Variants in GALNTL6 observed in about 807,000 individuals in gnomAD.
GALNTL6 encodes polypeptide N-acetylgalactosaminyltransferase-like 6.
A neutral mutation model predicts 73.7 loss-of-function variants in GALNTL6; 46 were observed. The ratio of observed to expected loss-of-function variants is 0.62; its 90% CI spans 0.49 to 0.80. The LOEUF (loss-of-function observed/expected upper bound fraction) is 0.80. Among genes scored for constraint, GALNTL6 ranks in the 30% least tolerant of loss-of-function variants. The pLI, the probability that GALNTL6 is intolerant of heterozygous loss-of-function variation, is 0.00. For synonymous variants in GALNTL6, 259 were observed against 263.7 expected (o/e 0.98, Z 0.17); for missense variants, 604 against 755.0 (o/e 0.80, Z 2.34).
chr4:172,278,379 A>C (rs1210720312), intron 3 of GALNTL6, among the ~76,000 whole-genome samples: 2 of 152,178 alleles, frequency 1.3e-5, no homozygotes, highest in Non-Finnish European at 2.9e-5. Flanking sequence ...TAAATTGCCC[A>C]TAAAAACAGC....
At chr4:172,172,409 C>T (rs1364758811) in intron 2 of GALNTL6, among the ~76,000 whole-genome samples, 1 of 152,114 alleles carries the variant, frequency 6.6e-6, no homozygotes, top group African/African-American at 2.4e-5. Flanking sequence ...GTTGGCCAAT[C>T]TTGTCTCGAA....
chr4:172,299,662 A>C (rs1474987476), intron 3 of GALNTL6, among the ~76,000 whole-genome samples: 1 of 152,190 alleles, frequency 6.6e-6, no homozygotes, highest in African/African-American at 2.4e-5. Flanking sequence ...TTCAGTTTCC[A>C]TGTAGTTGAG....
intron 2 of GALNTL6, among the ~76,000 whole-genome samples, chr4:172,166,978 T>A (rs1443207645): frequency 6.6e-6 from 1 of 152,178 alleles, no homozygotes; most frequent in Non-Finnish European, 1.5e-5. Context: ...GAATCAGAAC[T>A]CCTGGGTTCC....
At chr4:172,945,873 C>A (rs1325680236) in intron 9 of GALNTL6, among the ~76,000 whole-genome samples, 1 of 152,124 alleles carries the variant, frequency 6.6e-6, no homozygotes, top group Non-Finnish European at 1.5e-5. Context: ...TAAAGACAAT[C>A]TCTTTTGAGC....
At chr4:172,133,699 A>C (rs1733560517) in intron 2 of GALNTL6, among the ~76,000 whole-genome samples, 1 of 152,222 alleles carries the variant, frequency 6.6e-6, no homozygotes, top group Non-Finnish European at 1.5e-5. Flanking sequence ...GGGCTTCTTT[A>C]GTCAGTATCA....
In GALNTL6 at chr4:172,753,942, T is replaced by C. The variant is rs537287885; in HGVS notation, c.554-55419T>C. Among the ~76,000 whole-genome samples, 8 of 152,122 alleles carry C rather than the reference T, an allele frequency of 5.3e-5. 1 individual carries two copies. Among genetic ancestry groups the C allele is most frequent in the African/African-American group, 1.9e-4 (8 of 41,500 alleles). On this transcript the variant is annotated intron_variant, in intron 5 of 12. Transcript: ENST00000506823. ...GTGCTAATGAGAAGGGAGACAGAGA[T>C]AGGTATAGGAGAGAGGAGGGAAGAA...
chr4:173,027,760 A>C (rs1002411165), intron 12 of GALNTL6, among the ~76,000 whole-genome samples: 44 of 152,358 alleles, frequency 2.9e-4, no homozygotes, highest in South Asian at 4.1e-4. Flanking sequence ...GAAATAAAAC[A>C]GTCCATTCGT....
chr4:172,452,099 T>G (rs971522119), intron 5 of GALNTL6, among the ~76,000 whole-genome samples: 1 of 152,154 alleles, frequency 6.6e-6, no homozygotes, highest in Non-Finnish European at 1.5e-5. Flanking sequence ...TATTCCAGAA[T>G]GAAACCTGCA....
intron 8 of GALNTL6, among the ~76,000 whole-genome samples, chr4:172,907,081 C>T (rs1042026785): frequency 1.3e-5 from 2 of 152,106 alleles, no homozygotes; most frequent in East Asian, 1.9e-4. Flanking sequence ...ATTCTGTCAA[C>T]CACACTGACC....
At chr4:172,842,272 C>T (rs1461875922) in intron 7 of GALNTL6, among the ~76,000 whole-genome samples, 1 of 152,208 alleles carries the variant, frequency 6.6e-6, no homozygotes, top group East Asian at 1.9e-4. Flanking sequence ...ATTGTGCCAC[C>T]TTAGCCACTC....
At chr4:172,112,172 C>A (rs978042171) in intron 2 of GALNTL6, among the ~76,000 whole-genome samples, 4 of 152,026 alleles carry the variant, frequency 2.6e-5, no homozygotes, top group Non-Finnish European at 4.4e-5. Context: ...AGATTAGCTT[C>A]TTTCACTTAG....
intron 7 of GALNTL6, among the ~76,000 whole-genome samples, chr4:172,838,519 C>T (rs1374240137): frequency 2.0e-5 from 3 of 152,186 alleles, no homozygotes; most frequent in African/African-American, 7.2e-5. Flanking sequence ...ACCTGTGGTG[C>T]TTGTAACAAA....
intron 4 of GALNTL6, among the ~76,000 whole-genome samples, chr4:172,332,418 A>G (rs1741161417): frequency 3.3e-5 from 5 of 151,992 alleles, no homozygotes. Context: ...TTATGTTTTT[A>G]TCTTTTAACC....
At chr4:171,874,288 C>T (rs1224425281) in intron 2 of GALNTL6, among the ~76,000 whole-genome samples, 2 of 152,084 alleles carry the variant, frequency 1.3e-5, no homozygotes, top group African/African-American at 4.8e-5. Flanking sequence ...CGGCAACCTC[C>T]GCCTCCCAGG....
intron 5 of GALNTL6, among the ~76,000 whole-genome samples, chr4:172,675,787 GA>G (rs1019945636): frequency 5.3e-5 from 8 of 152,152 alleles, no homozygotes; most frequent in Non-Finnish European, 8.8e-5. Context: ...ATTCAACAGA[GA>G]AAAATGTGAA....
At chr4:172,595,054 G>C (rs533654318) in intron 5 of GALNTL6, among the ~76,000 whole-genome samples, 1 of 152,290 alleles carries the variant, frequency 6.6e-6, no homozygotes. Context: ...AAGAGGAGTA[G>C]AGAACTTTTT....
chr4:172,037,870 C>A (rs1049116168), intron 2 of GALNTL6, among the ~76,000 whole-genome samples: 1 of 152,132 alleles, frequency 6.6e-6, no homozygotes, highest in Non-Finnish European at 1.5e-5. Context: ...GTAATCCCAG[C>A]ACTTTGGGAG....
intron 5 of GALNTL6, among the ~76,000 whole-genome samples, chr4:172,369,735 G>C (rs1742716649): frequency 6.6e-6 from 1 of 152,190 alleles, no homozygotes; most frequent in Non-Finnish European, 1.5e-5. Flanking sequence ...TCACTGCCCG[G>C]GGCCGGTGGT....
chr4:172,236,538 G>A (rs1173306843), intron 3 of GALNTL6, among the ~76,000 whole-genome samples: 2 of 128,494 alleles, frequency 1.6e-5, no homozygotes, highest in African/African-American at 6.0e-5. Context: ...CAGCCTGGGC[G>A]ACAGAGTAAG....
Sources: gnomAD v4.1 joint callset for allele counts (sites outside exome capture counted in the v4.1 genomes callset) on GRCh38, gnomAD v4.1.1 for gene constraint, MANE v1.5 for transcripts, NCBI Gene and HGNC (gene_info 2026-07-23, HGNC 2026-07-21) for gene names.